CERKL: variants seen among roughly 807,000 people sequenced by gnomAD.
CERKL encodes ceramide kinase-like protein.
CERKL carries 61 observed loss-of-function variants against 63.4 expected under a neutral mutation model. The ratio of observed to expected loss-of-function variants is 0.96; its 90% CI spans 0.78 to 1.19. The LOEUF (loss-of-function observed/expected upper bound fraction) is 1.19, where lower values mean the gene tolerates loss of function less well. Ranked by LOEUF, CERKL falls within the 50% of genes most tolerant of loss-of-function variation. The probability of loss-of-function intolerance (pLI) is 0.00; values close to 1 mark genes in which losing one functional copy is unlikely to be tolerated. For missense variants in CERKL, 675 were observed against 655.5 expected, an observed-to-expected ratio of 1.03 and a Z score of -0.33; for synonymous variants, 250 against 230.5, an observed-to-expected ratio of 1.08 and a Z score of -0.77.
At chr2:181,635,336 A>G (rs561782129) in intron 1 of CERKL, among the ~76,000 whole-genome samples, 72 of 152,328 alleles carry the variant, frequency 4.7e-4, no homozygotes, top group South Asian at 3.9e-3. Flanking sequence ...AATTTAAAAA[A>G]TAAAAATAAC....
chr2:181,563,464 A>G (rs1688529410), intron 4 of CERKL, among the ~76,000 whole-genome samples: 1 of 152,176 alleles, frequency 6.6e-6, no homozygotes, highest in Non-Finnish European at 1.5e-5. Flanking sequence ...GCCTGTATCT[A>G]GAAACCAAAC....
At chr2:181,543,437 A>T (rs1279711750) in intron 11 of CERKL, among the ~76,000 whole-genome samples, 1 of 152,206 alleles carries the variant, frequency 6.6e-6, no homozygotes. Context: ...GTGGGACTGT[A>T]ATTTTTTATG....
intron 2 of CERKL, among the ~76,000 whole-genome samples, chr2:181,593,343 AGT>A (rs1271871526): frequency 6.6e-6 from 1 of 152,204 alleles, no homozygotes; most frequent in African/African-American, 2.4e-5. Context: ...GACAAGGATA[AGT>A]AAGTCACCTC....
intron 2 of CERKL, among the ~76,000 whole-genome samples, chr2:181,591,852 C>A (rs1685002535): frequency 6.6e-6 from 1 of 152,114 alleles, no homozygotes; most frequent in African/African-American, 2.4e-5. Flanking sequence ...ATATTTAGCT[C>A]CCAGATGTTG....
chr2:181,652,202 T>C (rs867966691), intron 1 of CERKL, among the ~76,000 whole-genome samples: 3 of 152,138 alleles, frequency 2.0e-5, no homozygotes, highest in South Asian at 2.1e-4. Context: ...AAAGCAACCC[T>C]GAGCAAAAAG....
At chr2:181,546,249 T>C (rs746151032) in intron 10 of CERKL, among the ~76,000 whole-genome samples, 9 of 152,102 alleles carry the variant, frequency 5.9e-5, no homozygotes, top group Non-Finnish European at 1.2e-4. Flanking sequence ...TGGAGTGGCT[T>C]TGAAGGAGCT....
intron 2 of CERKL, among the ~76,000 whole-genome samples, chr2:181,591,403 A>C (rs1014778603): frequency 1.3e-5 from 2 of 152,106 alleles, no homozygotes; most frequent in African/African-American, 4.8e-5. Flanking sequence ...AAAAAAACTG[A>C]ATATAGAAAC....
intron 11 of CERKL, among the ~76,000 whole-genome samples, chr2:181,540,123 T>C (rs552591467): frequency 6.6e-6 from 1 of 152,310 alleles, no homozygotes; most frequent in African/African-American, 2.4e-5. Flanking sequence ...CATATGTAGA[T>C]ACCAAGGTCC....
intron 1 of CERKL, among the ~76,000 whole-genome samples, chr2:181,620,821 G>A (rs1485362228): frequency 2.0e-5 from 3 of 152,126 alleles, no homozygotes; most frequent in Non-Finnish European, 2.9e-5. Flanking sequence ...CTTGTTGACC[G>A]AACATCCAAA....
chr2:181,551,831 A>G (rs1422593148), intron 5 of CERKL, among the ~76,000 whole-genome samples: 5 of 152,160 alleles, frequency 3.3e-5, no homozygotes, highest in Non-Finnish European at 2.9e-5. Flanking sequence ...GTTTGACTGC[A>G]CTTTGACTGC....
intron 1 of CERKL, among the ~76,000 whole-genome samples, chr2:181,633,412 T>G (rs1181848305): frequency 1.3e-5 from 2 of 152,202 alleles, no homozygotes; most frequent in Non-Finnish European, 2.9e-5. Context: ...TTCTAGTTAT[T>G]ATCTTAAACA....
intron 2 of CERKL, among the ~76,000 whole-genome samples, chr2:181,596,628 TTAA>T (rs1219024904): frequency 6.6e-6 from 1 of 152,216 alleles, no homozygotes; most frequent in Non-Finnish European, 1.5e-5. Flanking sequence ...TGCTTAACTT[TTAA>T]TAATATTTAA....
intron 1 of CERKL, among the ~76,000 whole-genome samples, chr2:181,630,464 G>A (rs113855723): frequency 0.014 from 2,090 of 152,304 alleles, 26 homozygotes; most frequent in Non-Finnish European, 0.021. Flanking sequence ...CAGTGTGACT[G>A]TATTTAGAGA....
At chr2:181,573,229 C>T (rs2105845504) in intron 3 of CERKL, among the ~76,000 whole-genome samples, 1 of 152,264 alleles carries the variant, frequency 6.6e-6, no homozygotes, top group South Asian at 2.1e-4. Flanking sequence ...TTCCTTGGCA[C>T]AAACCTAAGT....
chr2:181,611,766 A>G (rs924312086), intron 1 of CERKL, among the ~76,000 whole-genome samples: 3 of 152,238 alleles, frequency 2.0e-5, no homozygotes, highest in Non-Finnish European at 2.9e-5. Context: ...GTATATATTT[A>G]TAGAATACAT....
At chr2:181,583,791 G>A (rs1449626100) in intron 2 of CERKL, among the ~76,000 whole-genome samples, 1 of 152,160 alleles carries the variant, frequency 6.6e-6, no homozygotes, top group East Asian at 1.9e-4. Flanking sequence ...AAAACATGTT[G>A]TAATGTTACA....
At chr2:181,628,946 C>T (rs556372245) in intron 1 of CERKL, among the ~76,000 whole-genome samples, 2 of 152,216 alleles carry the variant, frequency 1.3e-5, no homozygotes, top group East Asian at 1.9e-4. Context: ...GATAAGAACA[C>T]GCTTCTATGT....
chr2:181,600,954 G>A (rs979615379), intron 2 of CERKL, among the ~76,000 whole-genome samples: 73 of 151,974 alleles, frequency 4.8e-4, no homozygotes, highest in African/African-American at 1.4e-3. Context: ...CCACATAGTC[G>A]TAAGTCACAT....
chr2:181,547,769 C>CA, intron 9 of CERKL, 43 bp from the exon 10 acceptor site: 1 of 1,613,832 alleles, frequency 6.2e-7, no homozygotes, highest in Non-Finnish European at 8.5e-7. Flanking sequence ...CTCACCAGAA[C>CA]AAAATGTCAA....
Sources: allele counts gnomAD v4.1 joint callset (sites outside exome capture counted in the v4.1 genomes callset), GRCh38; gene constraint gnomAD v4.1.1; transcripts MANE v1.5; gene names NCBI Gene and HGNC (gene_info 2026-07-23, HGNC 2026-07-21).